PDGFD: variants seen among roughly 807,000 people sequenced by gnomAD.
PDGFD encodes platelet derived growth factor D, also known as platelet-derived growth factor D.
A neutral mutation model predicts 44.7 loss-of-function variants in PDGFD; 30 were observed. The ratio of observed to expected loss-of-function variants is 0.67; its 90% CI spans 0.50 to 0.91. PDGFD has a LOEUF of 0.91. Ranked by LOEUF, PDGFD falls within the 40% of genes least tolerant of loss-of-function variation. PDGFD has a pLI of 0.00. For missense variants in PDGFD, 445 were observed against 457.8 expected, an observed-to-expected ratio of 0.97 and a Z score of 0.25; for synonymous variants, 173 against 168.4, an observed-to-expected ratio of 1.03 and a Z score of -0.21.
intron 1 of PDGFD, among the ~76,000 whole-genome samples, chr11:104,086,750 A>C (rs1233919516): frequency 6.6e-6 from 1 of 152,130 alleles, no homozygotes; most frequent in Non-Finnish European, 1.5e-5. Context: ...ACATAAACAA[A>C]ATTATTTTAC....
At chr11:104,097,662 G>C (rs1426319690) in intron 1 of PDGFD, among the ~76,000 whole-genome samples, 1 of 152,208 alleles carries the variant, frequency 6.6e-6, no homozygotes, top group Non-Finnish European at 1.5e-5. Flanking sequence ...GCCTTCTGCA[G>C]TTGTGCTAAG....
At chr11:103,996,907 TA>T (rs1428689994) in intron 2 of PDGFD, among the ~76,000 whole-genome samples, 2 of 152,172 alleles carry the variant, frequency 1.3e-5, no homozygotes, top group African/African-American at 4.8e-5. Context: ...TGAATGAGCT[TA>T]AGACCATAAG....
Position 104,000,615 on chromosome 11 carries a change from C to T in PDGFD, c.125-360G>A, listed in dbSNP as rs551490633. On this transcript the variant is annotated intron_variant, in intron 1 of 6. Transcript: ENST00000393158. ...ACAACACATCTTTCTTCTAGTATCC[C>T]CCACCTCCCTAAATTCTTCACAAAT... is the stretch of plus-strand genomic sequence containing the variant. Among the ~76,000 whole-genome samples the T allele has an allele frequency of 1.0e-3, 159 of 152,252 alleles. 2 individuals carry two copies. The highest frequency in any genetic ancestry group is 5.2e-3 in the South Asian group (25 of 4,820).
rs376639718 is a variant in PDGFD, at chr11:104,026,688, T to C, written c.125-26433A>G. 1.9e-4 allele frequency among the ~76,000 whole-genome samples: 29 copies of C among 152,348 alleles called. No homozygotes were observed. In the South Asian group the frequency reaches 5.8e-3, roughly 30 times the overall value. ...TAGGTTTGAAAACCTTATGGCCTCA[T>C]GGTTACAATGTCCAGTCCAAATGAC... On this transcript the variant is annotated intron_variant, in intron 1 of 6. Coordinates refer to ENST00000393158, the MANE Select transcript of PDGFD (RefSeq NM_025208.5).
chr11:104,038,129 C>T (rs1175829319), intron 1 of PDGFD: 2 of 1,066,690 alleles, frequency 1.9e-6, no homozygotes, highest in Non-Finnish European at 2.7e-6. Flanking sequence ...TAAACCTGGC[C>T]TTGGGACTAC....
intron 1 of PDGFD, among the ~76,000 whole-genome samples, chr11:104,119,654 TA>T (rs1861734987): frequency 5.5e-4 from 2 of 3,646 alleles, no homozygotes; most frequent in East Asian, 0.17. Context: ...TTAATAGATA[TA>T]TATAATTATA....
chr11:104,007,213 C>T (rs1414396070), intron 1 of PDGFD, among the ~76,000 whole-genome samples: 1 of 152,126 alleles, frequency 6.6e-6, no homozygotes, highest in Non-Finnish European at 1.5e-5. Context: ...CTATTTCCGA[C>T]CTTGGAACCT....
chr11:104,031,284 C>T (rs1408813980), intron 1 of PDGFD, among the ~76,000 whole-genome samples: 1 of 152,088 alleles, frequency 6.6e-6, no homozygotes, highest in Non-Finnish European at 1.5e-5. Flanking sequence ...GGAACTTAAA[C>T]ACCTTTACAA....
chr11:103,913,507 T>C (rs1858065289), intron 6 of PDGFD, among the ~76,000 whole-genome samples: 2 of 152,162 alleles, frequency 1.3e-5, no homozygotes, highest in South Asian at 4.1e-4. Context: ...AAGCAGTGTG[T>C]AGAGGGAAAT....
chr11:104,036,573 C>T (rs1860236939), intron 1 of PDGFD: 6 of 551,360 alleles, frequency 1.1e-5, no homozygotes, highest in Non-Finnish European at 1.9e-5. Flanking sequence ...TTCCAAACAG[C>T]ACACTTAGAA....
chr11:104,098,792 C>T (rs546358874), intron 1 of PDGFD, among the ~76,000 whole-genome samples: 1 of 152,212 alleles, frequency 6.6e-6, no homozygotes, highest in East Asian at 1.9e-4. Context: ...TGAGTCACTA[C>T]ATCTAGCCTC....
intron 1 of PDGFD, among the ~76,000 whole-genome samples, chr11:104,109,381 T>A (rs1861518180): frequency 6.6e-6 from 1 of 152,086 alleles, no homozygotes; most frequent in African/African-American, 2.4e-5. Context: ...AGATACTTCA[T>A]CGGGTTACTG....
intron 1 of PDGFD, among the ~76,000 whole-genome samples, chr11:104,092,171 G>T (rs931769809): frequency 6.6e-6 from 1 of 152,154 alleles, no homozygotes; most frequent in African/African-American, 2.4e-5. Context: ...ATCTGAACCT[G>T]TGGATATCTG....
intron 1 of PDGFD, among the ~76,000 whole-genome samples, chr11:104,063,853 A>G (rs146323790): frequency 6.6e-6 from 1 of 152,302 alleles, no homozygotes; most frequent in African/African-American, 2.4e-5. Flanking sequence ...TATGGAGATT[A>G]CAATTTGAGA....
chr11:103,996,411 G>C (rs1202964596), intron 2 of PDGFD, among the ~76,000 whole-genome samples, 166 bp from the exon 3 acceptor site: 1 of 152,112 alleles, frequency 6.6e-6, no homozygotes, highest in Non-Finnish European at 1.5e-5. Flanking sequence ...TTTTGGATTA[G>C]GTTTGCAAAT....
In PDGFD at chr11:104,074,081, T is replaced by C. The variant is rs1009218266; in HGVS notation, c.125-73826A>G. ...GCATGAAAAAATGCTTGCCCATTTC[T>C]ACTTCCTCTTTTTTCACCATGACAA... On this transcript the variant is annotated intron_variant, in intron 1 of 6. Transcript: ENST00000393158. 5.9e-5 allele frequency among the ~76,000 whole-genome samples: 9 copies of C among 152,324 alleles called. No homozygotes were observed. In the East Asian group the frequency reaches 1.7e-3, roughly 29 times the overall value.
At chr11:103,953,317 TTAAAA>T (rs1858786651) in intron 3 of PDGFD, among the ~76,000 whole-genome samples, 1 of 152,094 alleles carries the variant, frequency 6.6e-6, no homozygotes, top group Non-Finnish European at 1.5e-5. Flanking sequence ...GTTAACATCC[TTAAAA>T]TAAAATGAAC....
At chr11:103,993,642 A>G (rs766556541) in intron 3 of PDGFD, among the ~76,000 whole-genome samples, 1 of 152,096 alleles carries the variant, frequency 6.6e-6, no homozygotes, top group Non-Finnish European at 1.5e-5. Context: ...GAATAAAGTG[A>G]TCTTCCCAGT....
chr11:104,058,962 G>C (rs951728783), intron 1 of PDGFD, among the ~76,000 whole-genome samples: 4 of 152,162 alleles, frequency 2.6e-5, no homozygotes, highest in African/African-American at 9.7e-5. Flanking sequence ...GCTCAGTATT[G>C]CCAGAGCATG....
Sources: allele counts gnomAD v4.1 joint callset (sites outside exome capture counted in the v4.1 genomes callset), GRCh38; gene constraint gnomAD v4.1.1; transcripts MANE v1.5; gene names NCBI Gene and HGNC (gene_info 2026-07-23, HGNC 2026-07-21).